DAB2IP: variants seen among roughly 807,000 people sequenced by gnomAD.
DAB2IP encodes disabled homolog 2-interacting protein.
DAB2IP carries 28 observed loss-of-function variants against 107.2 expected under a neutral mutation model. The ratio of observed to expected loss-of-function variants is 0.26; its 90% CI spans 0.19 to 0.36. DAB2IP has a LOEUF of 0.36. DAB2IP is among the 10% of genes least tolerant of loss of function. The pLI is 1.00. For missense variants in DAB2IP, 1,400 were observed against 1,644.7 expected, an observed-to-expected ratio of 0.85 and a Z score of 2.57; for synonymous variants, 755 against 706.4, an observed-to-expected ratio of 1.07 and a Z score of -1.09.
intron 2 of DAB2IP, among the ~76,000 whole-genome samples, chr9:121,687,714 C>T (rs1828953926): frequency 6.6e-6 from 1 of 152,130 alleles, no homozygotes; most frequent in African/African-American, 2.4e-5. Flanking sequence ...CCTTACAACT[C>T]GAGGCTCAGA....
At chr9:121,732,068 C>T (rs1589600212) in intron 3 of DAB2IP, among the ~76,000 whole-genome samples, 1 of 152,182 alleles carries the variant, frequency 6.6e-6, no homozygotes, top group South Asian at 2.1e-4. Flanking sequence ...GAGGGGACTG[C>T]CCAGGTTGAT....
At chr9:121,642,615 TAAAAAAAAA>T (rs397893249) in intron 1 of DAB2IP, among the ~76,000 whole-genome samples, 109 of 123,938 alleles carry the variant, frequency 8.8e-4, no homozygotes, top group African/African-American at 3.3e-3. Flanking sequence ...TCTTTTCTAT[TAAAAAAAAA>T]AAAAAAAAAA....
At chr9:121,676,471 C>G (rs573151784) in intron 1 of DAB2IP, among the ~76,000 whole-genome samples, 73 of 152,292 alleles carry the variant, frequency 4.8e-4, no homozygotes, top group Non-Finnish European at 8.4e-4. Flanking sequence ...ACTCCACACC[C>G]CTGTGTGTTC....
At chr9:121,632,908 G>C (rs1831946961) in intron 1 of DAB2IP, among the ~76,000 whole-genome samples, 1 of 152,164 alleles carries the variant, frequency 6.6e-6, no homozygotes, top group Non-Finnish European at 1.5e-5. Context: ...TCACCTCTGG[G>C]CCTGCTCACA....
chr9:121,753,408 G>A (rs868165177), intron 3 of DAB2IP, among the ~76,000 whole-genome samples: 24 of 152,218 alleles, frequency 1.6e-4, no homozygotes, highest in African/African-American at 5.3e-4. Flanking sequence ...GATGCCGTGG[G>A]CCATGCAATT....
At chr9:121,748,428 C>T (rs1832868450) in intron 3 of DAB2IP, among the ~76,000 whole-genome samples, 1 of 152,180 alleles carries the variant, frequency 6.6e-6, no homozygotes, top group Non-Finnish European at 1.5e-5. Context: ...GACCATGTGA[C>T]CTAGCCAAGC....
At chr9:121,646,052 T>C (rs1832525331) in intron 1 of DAB2IP, among the ~76,000 whole-genome samples, 1 of 151,988 alleles carries the variant, frequency 6.6e-6, no homozygotes, top group African/African-American at 2.4e-5. Flanking sequence ...GGTGACTTGA[T>C]TGGAAAAACA....
intron 1 of DAB2IP, among the ~76,000 whole-genome samples, chr9:121,625,882 T>C (rs1467171263): frequency 6.6e-6 from 1 of 152,216 alleles, no homozygotes; most frequent in Non-Finnish European, 1.5e-5. Context: ...CCGGCCATCG[T>C]GGGCCCACAT....
chr9:121,764,296 G>A (rs2118983267), intron 8 of DAB2IP, among the ~76,000 whole-genome samples: 1 of 152,292 alleles, frequency 6.6e-6, no homozygotes, highest in African/African-American at 2.4e-5. Context: ...GCACGTTGGG[G>A]GCCTGAGCAC....
At chr9:121,718,012 G>A (rs1163046581) in intron 3 of DAB2IP, among the ~76,000 whole-genome samples, 2 of 152,180 alleles carry the variant, frequency 1.3e-5, no homozygotes, top group Admixed American at 1.3e-4. Context: ...TGGTCTCCCT[G>A]TGGGGCTGCT....
exon 9 of DAB2IP, chr9:121,766,529 C>G (rs200497980): frequency 6.2e-7 from 1 of 1,611,088 alleles, no homozygotes; most frequent in Non-Finnish European, 8.5e-7. Flanking sequence ...GTGTTTGCCT[C>G]GTGGAGGCAG....
intron 1 of DAB2IP, among the ~76,000 whole-genome samples, chr9:121,642,017 C>CCTTCTTTCTT (rs1832348945): frequency 6.6e-5 from 1 of 15,194 alleles, no homozygotes; most frequent in African/African-American, 2.8e-4. Flanking sequence ...CTCTCTCTCT[C>CCTTCTTTCTT]TCTCTCTCTC....
intron 1 of DAB2IP, among the ~76,000 whole-genome samples, chr9:121,587,657 G>T (rs1399781219): frequency 6.6e-6 from 1 of 151,802 alleles, no homozygotes; most frequent in Non-Finnish European, 1.5e-5. Flanking sequence ...GTAGCCGAAG[G>T]TCAAGAAACA....
intron 1 of DAB2IP, among the ~76,000 whole-genome samples, chr9:121,641,217 C>CA (rs556187469): frequency 4.9e-4 from 75 of 152,312 alleles, no homozygotes; most frequent in African/African-American, 1.6e-3. Flanking sequence ...AATTTCCAGA[C>CA]AAAATGCTCT....
At chr9:121,619,702 T>C (rs927609297) in intron 1 of DAB2IP, among the ~76,000 whole-genome samples, 2 of 152,214 alleles carry the variant, frequency 1.3e-5, no homozygotes, top group Admixed American at 1.3e-4. Flanking sequence ...TATGTTGTGA[T>C]CCCAGTAATG....
At chr9:121,780,289 C>T (rs1182747779) in intron 14 of DAB2IP, among the ~76,000 whole-genome samples, 1 of 152,208 alleles carries the variant, frequency 6.6e-6, no homozygotes, top group Non-Finnish European at 1.5e-5. Context: ...CACAAGCTTT[C>T]CTCAGAGTGA....
At chr9:121,765,688 C>A (rs1342102457) in intron 8 of DAB2IP, among the ~76,000 whole-genome samples, 4 of 152,212 alleles carry the variant, frequency 2.6e-5, no homozygotes, top group Non-Finnish European at 4.4e-5. Flanking sequence ...TCACGGACCA[C>A]TGGGGCCTGG....
At position 121,736,387 on chromosome 9, in the gene DAB2IP, C is replaced by A. The variant is rs1831916140; in HGVS notation, c.363-20626C>A. Among the ~76,000 whole-genome samples the A allele has an allele frequency of 6.6e-6, 1 of 151,766 alleles. No homozygotes were observed. The highest frequency in any genetic ancestry group is 1.5e-5 in the Non-Finnish European group (1 of 68,038). On this transcript the variant is annotated intron_variant, in intron 3 of 15. Coordinates refer to ENST00000408936, the Ensembl canonical transcript of DAB2IP. This position sits in a 1 kb window ranked among gnomAD's most constrained non-coding sequence, Gnocchi z 4.6. ...GGGAAGGAGTTGCAAGGCAGAGACC[C>A]CCGAACCCCTGCTCCAGGGCCTGCG...
At chr9:121,688,811 G>A (rs568690606) in intron 2 of DAB2IP, among the ~76,000 whole-genome samples, 19 of 152,296 alleles carry the variant, frequency 1.2e-4, no homozygotes, top group African/African-American at 4.6e-4. Flanking sequence ...GGGAGTAAAC[G>A]AATTAAATGG....
Sources: allele counts gnomAD v4.1 joint callset (sites outside exome capture counted in the v4.1 genomes callset), GRCh38; gene constraint gnomAD v4.1.1; non-coding constraint Gnocchi (gnomAD v3.1); transcripts MANE v1.5; gene names NCBI Gene and HGNC (gene_info 2026-07-23, HGNC 2026-07-21).